PALLD: variants seen among roughly 807,000 people sequenced by gnomAD.
PALLD encodes the protein palladin, cytoskeletal associated protein.
Under a neutral mutation model 123.5 loss-of-function variants are expected in PALLD, and 61 were observed. That is an observed-to-expected ratio of 0.49 (90% confidence interval 0.40 to 0.61). PALLD has a LOEUF of 0.61. Ranked by LOEUF, PALLD falls within the 20% of genes least tolerant of loss-of-function variation. The pLI is 0.00. For missense variants in PALLD, 1,273 were observed against 1,377.0 expected, an observed-to-expected ratio of 0.92 and a Z score of 1.20; for synonymous variants, 465 against 496.4, an observed-to-expected ratio of 0.94 and a Z score of 0.84.
In PALLD at chr4:168,732,382, C is replaced by G. The variant is rs181272096; in HGVS notation, c.1964+20459C>G. On this transcript the variant is annotated intron_variant, in intron 10 of 21. Transcript: ENST00000505667. Reference sequence around the variant, plus strand: ...ATCTAGAGATGATCTGGAGAAGGCTCGAAGAAATGTGATATGTATTATCTG... The same window carrying G: ...ATCTAGAGATGATCTGGAGAAGGCTGGAAGAAATGTGATATGTATTATCTG... 1.8e-3 allele frequency among the ~76,000 whole-genome samples: 280 copies of G among 152,156 alleles called. 1 individual carries two copies. Among genetic ancestry groups the G allele is most frequent in the Non-Finnish European group, 3.0e-3 (206 of 68,000 alleles).
intron 10 of PALLD, among the ~76,000 whole-genome samples, chr4:168,822,775 G>A (rs1485265956): frequency 3.9e-5 from 6 of 152,210 alleles, no homozygotes; most frequent in Non-Finnish European, 8.8e-5. Context: ...GTTGTCAACA[G>A]CTGATTTTTG....
rs1761544617 is a variant in PALLD, at chr4:168,921,697, A to G, written c.3014A>G (p.Asn1005Ser). The G allele has an allele frequency of 1.1e-5, 18 of 1,611,672 alleles. No homozygotes were observed. Among genetic ancestry groups the G allele is most frequent in the Non-Finnish European group, 1.4e-5 (16 of 1,179,816 alleles). Residue 1005 changes from asparagine (N) to serine (S), a missense_variant, in exon 18 of 22, where the codon AAC becomes AGC. Physicochemically the swap from Asn to Ser is conservative, Grantham distance 46. This residue lies in a region of PALLD where 329 missense variants were observed against 422.5 expected (regional missense o/e 0.78). Coordinates refer to ENST00000505667, the MANE Select transcript of PALLD (RefSeq NM_001166108.2). ...DAGIYTCIATNRAGQNSFSLE... is the reference protein window; with the variant it reads ...DAGIYTCIATSRAGQNSFSLE... The stretch of plus-strand genomic sequence containing the variant: ...GGCATCTACACATGTATAGCTACCA[A>G]CCGAGCAGGACAGAACTCATTCAGC...
chr4:168,545,584 T>C (rs1374570412), intron 2 of PALLD, among the ~76,000 whole-genome samples: 1 of 152,118 alleles, frequency 6.6e-6, no homozygotes, highest in East Asian at 1.9e-4. Context: ...AGCTAATCTA[T>C]AGCAAATTAC....
chr4:168,623,637 G>GA (rs910079229), intron 2 of PALLD, among the ~76,000 whole-genome samples: 84 of 152,332 alleles, frequency 5.5e-4, no homozygotes, highest in African/African-American at 2.0e-3. Context: ...CAGTGGTTCA[G>GA]AAAGCCTAAG....
At chr4:168,922,628 A>C (rs1467426513) in intron 18 of PALLD, among the ~76,000 whole-genome samples, 1 of 152,244 alleles carries the variant, frequency 6.6e-6, no homozygotes, top group Non-Finnish European at 1.5e-5. Flanking sequence ...CTCTTGGATT[A>C]TGATTCTGAT....
intron 2 of PALLD, among the ~76,000 whole-genome samples, chr4:168,618,819 C>A (rs946048267): frequency 3.9e-5 from 6 of 152,326 alleles, no homozygotes; most frequent in African/African-American, 1.2e-4. Context: ...TACTTATTCA[C>A]AAGCTTCCCT....
At chr4:168,497,658 C>T (rs936930304) in intron 1 of PALLD, among the ~76,000 whole-genome samples, 2 of 152,134 alleles carry the variant, frequency 1.3e-5, no homozygotes, top group African/African-American at 4.8e-5. Context: ...ATTACACTTT[C>T]AAAAGATTCT....
intron 10 of PALLD, among the ~76,000 whole-genome samples, chr4:168,884,454 A>G (rs567962320): frequency 4.9e-4 from 75 of 152,210 alleles, no homozygotes; most frequent in African/African-American, 1.5e-3. Flanking sequence ...GCCACTTCCT[A>G]TGGTTTAGGC....
intron 10 of PALLD, among the ~76,000 whole-genome samples, chr4:168,780,085 G>C (rs1735696485): frequency 6.6e-6 from 1 of 152,208 alleles, no homozygotes; most frequent in South Asian, 2.1e-4. Context: ...TTTTGGTAGA[G>C]ATGGGGTTTC....
intron 2 of PALLD, among the ~76,000 whole-genome samples, chr4:168,531,895 T>A (rs937290959): frequency 6.6e-6 from 1 of 152,100 alleles, no homozygotes; most frequent in African/African-American, 2.4e-5. Context: ...AAGCCCTCCT[T>A]TTTTTTCTTT....
intron 2 of PALLD, among the ~76,000 whole-genome samples, chr4:168,553,220 T>G (rs922441067): frequency 2.0e-5 from 3 of 152,024 alleles, no homozygotes; most frequent in African/African-American, 7.2e-5. Context: ...TGTCCCCATA[T>G]GTAAGAGAAG....
At chr4:168,698,253 A>G (rs1783338157) in intron 8 of PALLD, among the ~76,000 whole-genome samples, 1 of 152,228 alleles carries the variant, frequency 6.6e-6, no homozygotes, top group South Asian at 2.1e-4. Flanking sequence ...TGGTACAAAA[A>G]TATAGTTAGA....
chr4:168,557,669 TGTTAC>T (rs557981972), intron 2 of PALLD, among the ~76,000 whole-genome samples: 25 of 152,192 alleles, frequency 1.6e-4, no homozygotes, highest in Non-Finnish European at 3.4e-4. Context: ...CACTATCCAC[TGTTAC>T]GTAAGGTGCC....
chr4:168,563,207 T>C (rs1198895615), intron 2 of PALLD, among the ~76,000 whole-genome samples: 1 of 152,116 alleles, frequency 6.6e-6, no homozygotes, highest in South Asian at 2.1e-4. Context: ...GTTTTAGACA[T>C]GTTAAGTTGG....
intron 10 of PALLD, among the ~76,000 whole-genome samples, chr4:168,729,989 C>G (rs568606836): frequency 7.2e-5 from 11 of 152,250 alleles, no homozygotes; most frequent in East Asian, 1.9e-4. Context: ...TCTCTTCACC[C>G]CTAGTACTTT....
chr4:168,757,754 A>G (rs74287185), intron 10 of PALLD, among the ~76,000 whole-genome samples: 3,132 of 152,306 alleles, frequency 0.021, 105 homozygotes, highest in East Asian at 0.17. Context: ...CCACTTTAGA[A>G]TTTACAAAGC....
chr4:168,815,099 C>G (rs1186238364), intron 10 of PALLD, among the ~76,000 whole-genome samples: 4 of 152,164 alleles, frequency 2.6e-5, no homozygotes, highest in Non-Finnish European at 5.9e-5. Context: ...TGACCTCTGC[C>G]ATTTTTCTTT....
Position 168,668,373 on chromosome 4 carries a change from G to A in PALLD, c.1087+5G>A. 1.9e-6 allele frequency: 3 copies of A among 1,594,662 alleles called. No individual in the cohort carries two copies. The highest frequency in any genetic ancestry group is 2.6e-6 in the Non-Finnish European group (3 of 1,167,994). ...CTGCTGAGGTGTTCATTGAAGGTAAGGAGGGGTGCCTGGTAATGGGGGATA... is the reference window on the plus strand; with the variant it reads ...CTGCTGAGGTGTTCATTGAAGGTAAAGAGGGGTGCCTGGTAATGGGGGATA... On this transcript the variant is annotated splice_donor_5th_base_variant and intron_variant, in intron 3 of 21. Transcript: ENST00000505667.
At chr4:168,887,116 C>CAAAA (rs755173931) in intron 10 of PALLD, among the ~76,000 whole-genome samples, 8 of 94,532 alleles carry the variant, frequency 8.5e-5, no homozygotes, top group Admixed American at 1.2e-4. Flanking sequence ...GACTCTGTCT[C>CAAAA]AAAAAAAAAA....
Sources: gnomAD v4.1 joint callset for allele counts (sites outside exome capture counted in the v4.1 genomes callset) on GRCh38, gnomAD v4.1.1 for gene constraint, gnomAD v4.1.1 regional missense constraint, MANE v1.5 for transcripts, NCBI Gene and HGNC (gene_info 2026-07-23, HGNC 2026-07-21) for gene names.